Variants in HERC6 observed in about 807,000 individuals in gnomAD.
HERC6 encodes the protein HECT and RLD domain containing E3 ubiquitin protein ligase family member 6.
In HERC6, 101 loss-of-function variants were observed where a neutral mutation model predicts 114.5. The ratio of observed to expected loss-of-function variants is 0.88; its 90% CI spans 0.75 to 1.04. The LOEUF is 1.04. Among genes scored for constraint, HERC6 ranks in the 50% least tolerant of loss-of-function variants. The probability of loss-of-function intolerance (pLI) is 0.00; values close to 1 mark genes in which losing one functional copy is unlikely to be tolerated. For missense variants in HERC6, 1,133 were observed against 1,230.9 expected, an observed-to-expected ratio of 0.92 and a Z score of 1.19; for synonymous variants, 408 against 436.2, an observed-to-expected ratio of 0.94 and a Z score of 0.81.
intron 20 of HERC6, among the ~76,000 whole-genome samples, chr4:88,439,200 G>A (rs894261427): frequency 9.2e-5 from 14 of 152,068 alleles, no homozygotes; most frequent in African/African-American, 3.4e-4. Flanking sequence ...ACCTATGAAC[G>A]GGGCCAGAAG....
intron 13 of HERC6, among the ~76,000 whole-genome samples, chr4:88,422,622 GATTCC>G (rs1178290864): frequency 6.6e-6 from 1 of 152,072 alleles, no homozygotes; most frequent in Non-Finnish European, 1.5e-5. Context: ...AGATTTCAAA[GATTCC>G]ATTTGCTGAT....
chr4:88,404,190 TTTC>T (rs886595204), intron 8 of HERC6, among the ~76,000 whole-genome samples: 5 of 149,236 alleles, frequency 3.4e-5, no homozygotes, highest in Admixed American at 2.0e-4. Flanking sequence ...CAGAATTTCA[TTTC>T]TTTTTTTTTT....
chr4:88,385,049 A>G (rs1734506131), intron 2 of HERC6, among the ~76,000 whole-genome samples: 2 of 152,052 alleles, frequency 1.3e-5, no homozygotes, highest in Admixed American at 6.6e-5. Flanking sequence ...AATTGCTGAT[A>G]GTTATCTGGT....
At chr4:88,427,118 T>C (rs1222032094) in intron 15 of HERC6, among the ~76,000 whole-genome samples, 3 of 152,204 alleles carry the variant, frequency 2.0e-5, no homozygotes, top group African/African-American at 7.2e-5. Flanking sequence ...CTTTTAGTTG[T>C]TATGAGTGAA....
At chr4:88,414,089 C>A (rs1305090406) in intron 12 of HERC6, among the ~76,000 whole-genome samples, 1 of 152,130 alleles carries the variant, frequency 6.6e-6, no homozygotes, top group Admixed American at 6.6e-5. Flanking sequence ...TTTCCAGCAT[C>A]TGCTGACCTT....
In HERC6 at chr4:88,413,107, A is replaced by G. The variant is rs1465440457; in HGVS notation, c.1399A>G (p.Arg467Gly). The change falls in exon 12 of 23, where the codon AGA (arginine) becomes GGA (glycine). Residue 467 changes from arginine (R) to glycine (G), a missense_variant. Arg to Gly is a moderately radical substitution (Grantham distance 125, BLOSUM62 -2). Coordinates refer to ENST00000264346, the MANE Select transcript of HERC6 (RefSeq NM_017912.4). ...ITTCLEDDLL[R>G]ALPCHSPHQE... Reference sequence around the variant, plus strand: ...TACGTGTCTCGAGGATGATCTGCTCAGAGCTCTTCCATGCCATTCTCCACA... The same window carrying G: ...TACGTGTCTCGAGGATGATCTGCTCGGAGCTCTTCCATGCCATTCTCCACA... 1.2e-6 allele frequency: 2 copies of G among 1,612,906 alleles called. No individual in the cohort carries two copies. The highest frequency in any genetic ancestry group is 1.7e-6 in the Non-Finnish European group (2 of 1,179,432).
intron 8 of HERC6, 106 bp downstream of exon 8, chr4:88,398,315 A>G (rs1560540906): frequency 1.1e-5 from 6 of 538,790 alleles, no homozygotes; most frequent in Non-Finnish European, 1.2e-5. Context: ...CTTTTACTAA[A>G]ACAATAAGGT....
At chr4:88,418,060 ACT>A (rs758843578) in intron 13 of HERC6, among the ~76,000 whole-genome samples, 2 of 152,048 alleles carry the variant, frequency 1.3e-5, no homozygotes, top group Non-Finnish European at 2.9e-5. Context: ...CAAAAATTAC[ACT>A]CTATGTCATC....
intron 15 of HERC6, among the ~76,000 whole-genome samples, chr4:88,426,550 G>A (rs1737646077): frequency 6.6e-6 from 1 of 151,854 alleles, no homozygotes; most frequent in Non-Finnish European, 1.5e-5. Flanking sequence ...TGCGATTTCT[G>A]CTCACTGTAA....
intron 15 of HERC6, among the ~76,000 whole-genome samples, chr4:88,425,049 T>C (rs775494866): frequency 6.6e-6 from 1 of 152,202 alleles, no homozygotes; most frequent in Non-Finnish European, 1.5e-5. Context: ...TCATTAAGGT[T>C]TGTGGTATGG....
chr4:88,412,589 C>T lies in HERC6; in HGVS notation c.1369-488C>T, dbSNP rs867994486. ...CCAGCTGTAATTGAGCCACTACACGCTGAAGTAAAACTTTACCTCTGGATG... is the reference window on the plus strand; with the variant it reads ...CCAGCTGTAATTGAGCCACTACACGTTGAAGTAAAACTTTACCTCTGGATG... On this transcript the variant is annotated intron_variant, in intron 11 of 22. Transcript: ENST00000264346. Among the ~76,000 whole-genome samples the T allele has an allele frequency of 5.3e-5, 8 of 152,210 alleles. No homozygotes were observed. In the South Asian group the frequency reaches 1.2e-3, roughly 24 times the overall value.
At chr4:88,430,587 A>AATAAAT (rs1738089059) in intron 16 of HERC6, among the ~76,000 whole-genome samples, 1 of 151,068 alleles carries the variant, frequency 6.6e-6, no homozygotes, top group African/African-American at 2.4e-5. Context: ...TAAATAAATA[A>AATAAAT]ATAAATAAAT....
intron 8 of HERC6, chr4:88,399,700 G>A (rs1735435318): frequency 6.6e-6 from 1 of 151,846 alleles, no homozygotes; most frequent in Non-Finnish European, 1.5e-5. Flanking sequence ...GAACCCAGGA[G>A]TGGAGGTTGC....
At chr4:88,414,693 A>C (rs1736329604) in intron 12 of HERC6, among the ~76,000 whole-genome samples, 2 of 152,108 alleles carry the variant, frequency 1.3e-5, no homozygotes, top group South Asian at 4.2e-4. Flanking sequence ...GGCATTTGTA[A>C]ACTGTCACGG....
intron 14 of HERC6, 77 bp from the exon 15 acceptor site, chr4:88,424,518 A>C: frequency 1.9e-6 from 2 of 1,064,646 alleles, no homozygotes; most frequent in Non-Finnish European, 1.4e-6. Context: ...TCCAAAAAAA[A>C]GGCGATAAGG....
rs1254046106 is a variant in HERC6, at chr4:88,396,113, T to G, written c.858T>G (p.Asp286Glu). 1.9e-6 allele frequency: 3 copies of G among 1,603,212 alleles called. No individual in the cohort carries two copies. The highest frequency in any genetic ancestry group is 2.6e-6 in the Non-Finnish European group (3 of 1,174,942). Residue 286 changes from aspartate (D) to glutamate (E), a missense_variant, in exon 6 of 23, where the codon GAT (aspartate) becomes GAG (glutamate). Around this residue, in one of 3 missense-constraint regions of HERC6, gnomAD observed 735 missense variants for 754.0 expected, o/e 0.97. Transcript: ENST00000264346. The part of the protein sequence containing the change: ...KRGPQLVERI[D>E]GLVSQIDCGS... ...GTCCACAACTTGTGGAAAGAATTGATGGCCTAGTTTCGCAGATAGATTGTG... is the reference window on the plus strand; with the variant it reads ...GTCCACAACTTGTGGAAAGAATTGAGGGCCTAGTTTCGCAGATAGATTGTG...
chr4:88,414,323 T>A (rs1184454918), intron 12 of HERC6, among the ~76,000 whole-genome samples: 1 of 142,442 alleles, frequency 7.0e-6, no homozygotes, highest in Non-Finnish European at 1.5e-5. Flanking sequence ...TTTTTTTTTT[T>A]AAATCAGCCA....
At chr4:88,422,012 A>T (rs981514790) in intron 13 of HERC6, among the ~76,000 whole-genome samples, 2 of 152,170 alleles carry the variant, frequency 1.3e-5, no homozygotes, top group Non-Finnish European at 2.9e-5. Context: ...CAAGTCCCTT[A>T]TCGGATATAC....
intron 15 of HERC6, 55 bp from the exon 16 acceptor site, chr4:88,428,525 T>A (rs1285479657): frequency 7.3e-7 from 1 of 1,373,326 alleles, no homozygotes. Flanking sequence ...TAAACAATCC[T>A]TGGGATTCCT....
Sources: allele counts gnomAD v4.1 joint callset (sites outside exome capture counted in the v4.1 genomes callset), GRCh38; gene constraint gnomAD v4.1.1; regional missense constraint gnomAD v4.1.1; transcripts MANE v1.5; gene names NCBI Gene and HGNC (gene_info 2026-07-23, HGNC 2026-07-21).